AGPAT5: variants seen among roughly 807,000 people sequenced by gnomAD.
AGPAT5 encodes the protein 1-acyl-sn-glycerol-3-phosphate acyltransferase epsilon.
A neutral mutation model predicts 45.6 loss-of-function variants in AGPAT5; 46 were observed. The observed-to-expected ratio is 1.01, with a 90% CI of 0.80 to 1.29. AGPAT5 has a LOEUF of 1.29. AGPAT5 is among the 50% of genes most tolerant of loss of function. The pLI is 0.00. For synonymous variants in AGPAT5, 272 were observed against 167.0 expected, an observed-to-expected ratio of 1.63 and a Z score of -4.85; for missense variants, 673 against 450.7, an observed-to-expected ratio of 1.49 and a Z score of -4.47.
chr8:6,713,199 G>C (rs1800211318), intron 1 of AGPAT5, among the ~76,000 whole-genome samples: 1 of 152,100 alleles, frequency 6.6e-6, no homozygotes, highest in Non-Finnish European at 1.5e-5. Context: ...TGAATTCCTG[G>C]CCTCAGGTGA....
chr8:6,721,206 G>C (rs776642411), intron 1 of AGPAT5, among the ~76,000 whole-genome samples: 5 of 152,144 alleles, frequency 3.3e-5, no homozygotes, highest in African/African-American at 9.7e-5. Flanking sequence ...CTTTACAGCA[G>C]AAATCTTATA....
rs141365320 is a variant in AGPAT5, at chr8:6,757,356, C to T, written c.1063C>T (p.Leu355Phe). The T allele has an allele frequency of 1.1e-5, 17 of 1,614,214 alleles. No homozygotes were observed. The highest frequency in any genetic ancestry group is 3.3e-5 in the South Asian group (3 of 91,084). Residue 355 changes from leucine to phenylalanine, a missense_variant, in exon 8 of 8, where the codon CTT becomes TTT. Physicochemically the swap from Leu to Phe is conservative, Grantham distance 22. Coordinates refer to ENST00000285518, the MANE Select transcript of AGPAT5 (RefSeq NM_018361.5). The part of the protein sequence containing the change: ...YVNTWIYGTL[L>F]GCLWVTIKA ...GAACACCTGGATATATGGAACCCTA[C>T]TTGGCTGCCTGTGGGTTACTATTAA...
At chr8:6,751,927 C>G (rs1010845108) in intron 6 of AGPAT5, among the ~76,000 whole-genome samples, 4 of 151,898 alleles carry the variant, frequency 2.6e-5, no homozygotes, top group Non-Finnish European at 4.4e-5. Flanking sequence ...GCGTGTAATC[C>G]CAGCATTTTG....
At chr8:6,719,420 AT>A (rs1800430323) in intron 1 of AGPAT5, among the ~76,000 whole-genome samples, 1 of 152,204 alleles carries the variant, frequency 6.6e-6, no homozygotes, top group Non-Finnish European at 1.5e-5. Flanking sequence ...TGATGAAAAG[AT>A]TAGAAACATA....
In AGPAT5 at chr8:6,747,814, C is replaced by T. The variant is rs1209167384; in HGVS notation, c.731C>T (p.Ser244Leu). ...GACGATGGAGGGCAGCGAAGAGAGT[C>T]ACCGACCATGACGGGTAAGTGTGTT... is the stretch of plus-strand genomic sequence containing the variant. ...GKDDGGQRRE[S>L]PTMTEFLCKE... The change falls in exon 6 of 8, where the codon TCA becomes TTA. Residue 244 changes from serine to leucine, a missense_variant. Transcript: ENST00000285518. The T allele has an allele frequency of 1.2e-6, 2 of 1,614,050 alleles. No homozygotes were observed. The highest frequency in any genetic ancestry group is 1.3e-5 in the African/African-American group (1 of 75,040).
chr8:6,710,349 A>G (rs1025940173), intron 1 of AGPAT5, among the ~76,000 whole-genome samples: 18 of 152,292 alleles, frequency 1.2e-4, no homozygotes, highest in Non-Finnish European at 2.4e-4. Flanking sequence ...AAAACATTTA[A>G]TCTAATCATT....
chr8:6,739,846 G>A (rs1053419077), intron 4 of AGPAT5, among the ~76,000 whole-genome samples: 3 of 152,046 alleles, frequency 2.0e-5, no homozygotes, highest in South Asian at 2.1e-4. Flanking sequence ...TTAGGGAAAA[G>A]CACTCATTCT....
chr8:6,755,628 G>A (rs1046677909), intron 7 of AGPAT5, among the ~76,000 whole-genome samples: 55 of 152,184 alleles, frequency 3.6e-4, no homozygotes, highest in Non-Finnish European at 5.9e-5. Flanking sequence ...GGAAATAGAA[G>A]GGGGCAGTTG....
In AGPAT5 at chr8:6,758,684, C is replaced by T. The variant is rs1303027119; in HGVS notation, c.*1296C>T. The stretch of plus-strand genomic sequence containing the variant: ...GGAGCTACACATTAATATGTATCGC[C>T]TTAGAGCAAGAGCTGTGTTCCAGGA... On this transcript the variant is annotated 3_prime_UTR_variant, in exon 8 of 8. Coordinates refer to ENST00000285518, the MANE Select transcript of AGPAT5 (RefSeq NM_018361.5). 1 of 152,592 alleles carries T rather than the reference C, an allele frequency of 6.6e-6. No individual in the cohort carries two copies. The highest frequency in any genetic ancestry group is 2.4e-5 in the African/African-American group (1 of 41,426). 9.5% of individuals were successfully genotyped at this position (152,592 alleles called of 1,614,324 possible). A position where few individuals can be genotyped will look rare whatever the true frequency, so the allele number is the denominator to read the frequency against.
chr8:6,721,406 A>T (rs191386788), intron 1 of AGPAT5, among the ~76,000 whole-genome samples: 1 of 152,340 alleles, frequency 6.6e-6, no homozygotes, highest in East Asian at 1.9e-4. Flanking sequence ...CACTTAACAG[A>T]GTTTTGAATA....
chr8:6,739,533 A>G (rs758126826), intron 4 of AGPAT5, among the ~76,000 whole-genome samples: 7 of 152,050 alleles, frequency 4.6e-5, no homozygotes, highest in Admixed American at 2.0e-4. Context: ...TCAGTTTTTG[A>G]TACTATTGTA....
intron 1 of AGPAT5, among the ~76,000 whole-genome samples, chr8:6,712,316 T>C (rs182804203): frequency 6.6e-6 from 1 of 152,362 alleles, no homozygotes; most frequent in East Asian, 1.9e-4. Flanking sequence ...AACCAACTTA[T>C]TCATATTTCG....
chr8:6,734,951 G>A (rs1448065411), intron 4 of AGPAT5, among the ~76,000 whole-genome samples: 1 of 152,082 alleles, frequency 6.6e-6, no homozygotes, highest in African/African-American at 2.4e-5. Context: ...TAGCACCTTG[G>A]AGTGGCTCTC....
intron 1 of AGPAT5, among the ~76,000 whole-genome samples, chr8:6,709,807 C>G (rs969910544): frequency 6.6e-6 from 1 of 152,044 alleles, no homozygotes; most frequent in Non-Finnish European, 1.5e-5. Flanking sequence ...CTGATCGACC[C>G]TTGATGGCCC....
At chr8:6,750,945 G>A (rs1801636964) in intron 6 of AGPAT5, among the ~76,000 whole-genome samples, 2 of 152,152 alleles carry the variant, frequency 1.3e-5, no homozygotes, top group Non-Finnish European at 2.9e-5. Flanking sequence ...TATTCAACAT[G>A]TATACGTGTG....
At chr8:6,730,854 A>C (rs772376818) in intron 3 of AGPAT5, 28 bp downstream of exon 3, 3 of 1,435,012 alleles carry the variant, frequency 2.1e-6, no homozygotes, top group South Asian at 2.5e-5. Flanking sequence ...TTTTCTCTCT[A>C]TATATGTAGT....
At chr8:6,727,823 G>A (rs528578622) in intron 2 of AGPAT5, among the ~76,000 whole-genome samples, 51 of 152,310 alleles carry the variant, frequency 3.3e-4, no homozygotes, top group African/African-American at 1.2e-3. Context: ...TTCCTGTTCG[G>A]CATTGCAGAA....
intron 1 of AGPAT5, among the ~76,000 whole-genome samples, chr8:6,722,788 C>G (rs1800550018): frequency 6.6e-6 from 1 of 152,102 alleles, no homozygotes; most frequent in African/African-American, 2.4e-5. Context: ...ATTCAGAAAT[C>G]ATTTTTATTG....
intron 1 of AGPAT5, among the ~76,000 whole-genome samples, chr8:6,712,065 T>C (rs1800174240): frequency 6.6e-6 from 1 of 152,358 alleles, no homozygotes; most frequent in East Asian, 1.9e-4. Flanking sequence ...TCCATAGTTC[T>C]GCCTATTCAG....
Sources: gnomAD v4.1 joint callset for allele counts (sites outside exome capture counted in the v4.1 genomes callset) on GRCh38, gnomAD v4.1.1 for gene constraint, MANE v1.5 for transcripts, NCBI Gene and HGNC (gene_info 2026-07-23, HGNC 2026-07-21) for gene names.